Variants in LRRC7 observed in about 807,000 individuals in gnomAD.
LRRC7 encodes leucine-rich repeat-containing protein 7.
Under a neutral mutation model 175.7 loss-of-function variants are expected in LRRC7, and 23 were observed. The observed-to-expected ratio is 0.13, with a 90% CI of 0.09 to 0.19. The LOEUF is 0.19. Among genes scored for constraint, LRRC7 ranks in the 10% least tolerant of loss-of-function variants. The probability of loss-of-function intolerance (pLI) is 1.00; values close to 1 mark genes in which losing one functional copy is unlikely to be tolerated. For synonymous variants in LRRC7, 685 were observed against 680.9 expected (o/e 1.01, Z -0.09); for missense variants, 1,354 against 1,904.7 (o/e 0.71, Z 5.38).
chr1:69,947,038 A>G (rs1382171790), intron 8 of LRRC7, among the ~76,000 whole-genome samples: 1 of 152,024 alleles, frequency 6.6e-6, no homozygotes. Context: ...AGATCGCACC[A>G]CTGCACTCCA....
Position 69,568,257 on chromosome 1 carries a change from G to C in LRRC7, c.-383G>C, listed in dbSNP as rs1396557721. The C allele has an allele frequency of 3.4e-5, 7 of 208,502 alleles. No individual in the cohort carries two copies. The highest frequency in any genetic ancestry group is 5.5e-5 in the Non-Finnish European group (6 of 108,706). 12.9% of individuals were successfully genotyped at this position (208,502 alleles called of 1,614,324 possible). On this transcript the variant is annotated 5_prime_UTR_variant, in exon 1 of 27. Transcript: ENST00000651989. The stretch of plus-strand genomic sequence containing the variant: ...TTGTCTGTGGAGCCTTCTGGGGGCG[G>C]GGAGGGAGCTGCGCCTCCGCCACCG...
chr1:69,676,494 A>C (rs1004792585), intron 1 of LRRC7, among the ~76,000 whole-genome samples: 3 of 152,088 alleles, frequency 2.0e-5, no homozygotes, highest in African/African-American at 7.2e-5. Context: ...AGTGTTATAG[A>C]AGTTAGTAAA....
At chr1:70,000,779 C>T (rs1025102624) in intron 11 of LRRC7, among the ~76,000 whole-genome samples, 3 of 152,136 alleles carry the variant, frequency 2.0e-5, no homozygotes, top group Admixed American at 1.3e-4. Flanking sequence ...TTTAAAAGGC[C>T]GGTTCTGATC....
chr1:70,042,527 G>A (rs1180302420), intron 21 of LRRC7, among the ~76,000 whole-genome samples: 1 of 152,142 alleles, frequency 6.6e-6, no homozygotes, highest in East Asian at 1.9e-4. Flanking sequence ...ACCTTGAAGA[G>A]GCAGCTCCAA....
At chr1:69,608,156 A>G (rs1034060793) in intron 1 of LRRC7, 2 of 152,498 alleles carry the variant, frequency 1.3e-5, no homozygotes, top group Admixed American at 6.6e-5. Flanking sequence ...GCTAATTTTC[A>G]ATAATATACA....
intron 1 of LRRC7, among the ~76,000 whole-genome samples, chr1:69,672,601 A>T (rs1570287944): frequency 6.6e-6 from 1 of 152,214 alleles, no homozygotes; most frequent in Non-Finnish European, 1.5e-5. Flanking sequence ...GCATTTGAGA[A>T]TATTTATATT....
intron 7 of LRRC7, among the ~76,000 whole-genome samples, chr1:69,897,700 G>A (rs1001636361): frequency 6.6e-6 from 1 of 152,134 alleles, no homozygotes; most frequent in African/African-American, 2.4e-5. Flanking sequence ...TGTTCTAGCA[G>A]AATCATTTTC....
At chr1:70,074,535 G>T (rs1002081291) in intron 23 of LRRC7, among the ~76,000 whole-genome samples, 12 of 152,206 alleles carry the variant, frequency 7.9e-5, no homozygotes, top group Non-Finnish European at 1.3e-4. Flanking sequence ...CACTGGATAT[G>T]CGTTGGACAG....
Position 70,038,293 on chromosome 1 carries a change from A to G in LRRC7, c.2469A>G (p.Thr823=), listed in dbSNP as rs1190722363. 2 of 1,614,162 alleles carry G rather than the reference A, an allele frequency of 1.2e-6. No individual in the cohort carries two copies. Among genetic ancestry groups the G allele is most frequent in the Admixed American group, 1.7e-5 (1 of 60,026 alleles). The part of the protein sequence containing the change: ...DNTGFVAEET[T]AENANSNPLL... ...CAGGGTTTGTTGCTGAGGAAACCAC[A>G]GCCGAGAATGCCAACAGTAATCCTC... The change falls in exon 21 of 27, where the codon ACA becomes ACG. Residue 823 remains threonine (T), a synonymous_variant. Coordinates refer to ENST00000651989, the MANE Select transcript of LRRC7 (RefSeq NM_001370785.2).
chr1:69,713,624 T>C (rs1205257796), intron 2 of LRRC7, among the ~76,000 whole-genome samples: 1 of 152,100 alleles, frequency 6.6e-6, no homozygotes, highest in Admixed American at 6.6e-5. Context: ...TGTAGGCCTA[T>C]GCTACATCAA....
intron 4 of LRRC7, among the ~76,000 whole-genome samples, chr1:69,818,417 T>C (rs184104496): frequency 1.2e-4 from 19 of 152,248 alleles, no homozygotes; most frequent in South Asian, 1.2e-3. Flanking sequence ...ATCACATTTA[T>C]TGATTTGTGG....
intron 2 of LRRC7, among the ~76,000 whole-genome samples, chr1:69,698,594 C>A (rs181825357): frequency 8.5e-4 from 130 of 152,294 alleles, no homozygotes; most frequent in African/African-American, 2.9e-3. Flanking sequence ...CCTTCCTCAC[C>A]CCTGCAACCA....
At chr1:70,103,563 G>C (rs1367728830) in intron 25 of LRRC7, among the ~76,000 whole-genome samples, 1 of 152,168 alleles carries the variant, frequency 6.6e-6, no homozygotes, top group Non-Finnish European at 1.5e-5. Flanking sequence ...GAAGATTCCA[G>C]AAAAGAATGC....
At chr1:69,616,711 A>T (rs1171210700) in intron 1 of LRRC7, among the ~76,000 whole-genome samples, 1 of 152,092 alleles carries the variant, frequency 6.6e-6, no homozygotes, top group East Asian at 1.9e-4. Context: ...GCTCTGCCTT[A>T]AAGATATGCT....
chr1:69,850,063 G>A (rs1297614907), intron 7 of LRRC7, among the ~76,000 whole-genome samples: 1 of 151,984 alleles, frequency 6.6e-6, no homozygotes, highest in Non-Finnish European at 1.5e-5. Context: ...GGGTGATTTG[G>A]GGTGGGGGTT....
At chr1:69,865,807 A>G (rs1684890966) in intron 7 of LRRC7, among the ~76,000 whole-genome samples, 2 of 152,104 alleles carry the variant, frequency 1.3e-5, no homozygotes, top group South Asian at 4.1e-4. Context: ...TAAGTGATAA[A>G]GATAAACAGC....
intron 4 of LRRC7, among the ~76,000 whole-genome samples, chr1:69,795,310 G>T (rs1285049442): frequency 6.6e-6 from 1 of 151,902 alleles, no homozygotes; most frequent in Non-Finnish European, 1.5e-5. Context: ...AACCTGGGAG[G>T]CGGAGGTTGC....
intron 3 of LRRC7, among the ~76,000 whole-genome samples, chr1:69,781,733 A>G (rs12722744): frequency 0.018 from 416 of 23,506 alleles, 27 homozygotes; most frequent in East Asian, 0.031. Context: ...GAAAGAAAGA[A>G]AGAGAGAGAG....
intron 25 of LRRC7, among the ~76,000 whole-genome samples, chr1:70,101,982 T>C (rs1482544088): frequency 6.6e-6 from 1 of 152,188 alleles, no homozygotes; most frequent in Non-Finnish European, 1.5e-5. Context: ...GTTGCTCTGT[T>C]GTGAGATACC....
Sources: gnomAD v4.1 joint callset for allele counts (sites outside exome capture counted in the v4.1 genomes callset) on GRCh38, gnomAD v4.1.1 for gene constraint, MANE v1.5 for transcripts, NCBI Gene and HGNC (gene_info 2026-07-23, HGNC 2026-07-21) for gene names.